The following PCDHGA7 variants were observed in gnomAD, a reference collection of about 807,000 sequenced individuals.
PCDHGA7 encodes protocadherin gamma-A7.
PCDHGA7 carries 44 observed loss-of-function variants against 58.3 expected under a neutral mutation model. The ratio of observed to expected loss-of-function variants is 0.75; its 90% CI spans 0.59 to 0.97. PCDHGA7 has a LOEUF of 0.97. PCDHGA7 is among the 50% of genes least tolerant of loss of function. The probability of loss-of-function intolerance (pLI) is 0.00; values close to 1 mark genes in which losing one functional copy is unlikely to be tolerated. For missense variants in PCDHGA7, 1,266 were observed against 1,188.7 expected, an observed-to-expected ratio of 1.06 and a Z score of -0.96; for synonymous variants, 516 against 504.2, an observed-to-expected ratio of 1.02 and a Z score of -0.31.
In PCDHGA7 at chr5:141,410,139, T is replaced by C. The variant is rs73279096; in HGVS notation, c.2424+24816T>C. ...GCCCGCCAGCGCCTGCTGGTCGCTG[T>C]GCGTGACGGTGGACAGCCGCCACTC... On this transcript the variant is annotated intron_variant, in intron 1 of 3. Coordinates refer to ENST00000518325, the MANE Select transcript of PCDHGA7 (RefSeq NM_018920.4). The C allele has an allele frequency of 1.6e-4, 252 of 1,612,722 alleles. No individual in the cohort carries two copies. In the African/African-American group the frequency reaches 3.0e-3, roughly 19 times the overall value.
intron 1 of PCDHGA7, chr5:141,421,588 G>A: frequency 1.2e-6 from 2 of 1,613,910 alleles, no homozygotes; most frequent in Non-Finnish European, 8.5e-7. Context: ...TTACGGAGTG[G>A]AGGTGGAAAT....
In PCDHGA7 at chr5:141,384,331, G is replaced by T. The variant is rs376216978; in HGVS notation, c.1432G>T (p.Asp478Tyr). Reference sequence around the variant, plus strand: ...CTCCATTTTCTTAGTGACTGCACAGGACCACGACAGTGAGGATAATGCCCA... The same window carrying T: ...CTCCATTTTCTTAGTGACTGCACAGTACCACGACAGTGAGGATAATGCCCA... Reference protein sequence around the residue: ...GASIFLVTAQDHDSEDNAQIT... With the variant: ...GASIFLVTAQYHDSEDNAQIT... Residue 478 changes from aspartate (D) to tyrosine (Y), a missense_variant, in exon 1 of 4, where the codon GAC (aspartate) becomes TAC (tyrosine). By Grantham distance (160) the Asp-to-Tyr change is radical. Transcript: ENST00000518325. 21 of 1,613,846 alleles carry T rather than the reference G, an allele frequency of 1.3e-5. No individual in the cohort carries two copies. Among genetic ancestry groups the T allele is most frequent in the African/African-American group, 2.7e-5 (2 of 75,042 alleles).
At chr5:141,502,708 A>G (rs1172090234) in intron 2 of PCDHGA7, among the ~76,000 whole-genome samples, 1 of 152,204 alleles carries the variant, frequency 6.6e-6, no homozygotes, top group Non-Finnish European at 1.5e-5. Flanking sequence ...CTGTTTTTAC[A>G]TCAGTGATTA....
chr5:141,388,522 C>G, intron 1 of PCDHGA7: 1 of 1,613,868 alleles, frequency 6.2e-7, no homozygotes, highest in East Asian at 2.2e-5. Flanking sequence ...TTGACTTTGA[C>G]TGCCTTGGAC....
chr5:141,453,333 A>T (rs181261279), intron 1 of PCDHGA7, among the ~76,000 whole-genome samples: 3 of 151,914 alleles, frequency 2.0e-5, no homozygotes, highest in Admixed American at 1.3e-4. Context: ...GGGTCTCACT[A>T]TGTTTCCCCA....
intron 1 of PCDHGA7, chr5:141,478,437 A>G (rs2099455876): frequency 6.2e-7 from 1 of 1,613,758 alleles, no homozygotes; most frequent in African/African-American, 1.3e-5. Flanking sequence ...CCGCTGCTGA[A>G]GAAACCTGGT....
chr5:141,404,725 G>T, intron 1 of PCDHGA7: 1 of 1,614,098 alleles, frequency 6.2e-7, no homozygotes. Flanking sequence ...TGACCAAGGT[G>T]GTGGCAGTGG....
intron 1 of PCDHGA7, chr5:141,478,104 CTG>C: frequency 6.2e-7 from 1 of 1,614,118 alleles, no homozygotes; most frequent in Middle Eastern, 1.6e-4. Context: ...GCTACCCTCA[CTG>C]TGTCAGTAAC....
At chr5:141,387,768 T>G (rs892776132) in intron 1 of PCDHGA7, 1 of 1,435,344 alleles carries the variant, frequency 7.0e-7, no homozygotes, top group African/African-American at 1.4e-5. Context: ...AGAAGAATTT[T>G]TTCTTGAACT....
intron 1 of PCDHGA7, chr5:141,399,738 G>T: frequency 1.2e-6 from 2 of 1,613,268 alleles, no homozygotes; most frequent in South Asian, 2.2e-5. Flanking sequence ...GCTCGCCTGC[G>T]CTCAGCGCAA....
intron 1 of PCDHGA7, among the ~76,000 whole-genome samples, chr5:141,455,803 A>G (rs1197986124): frequency 6.6e-6 from 1 of 152,068 alleles, no homozygotes; most frequent in Non-Finnish European, 1.5e-5. Context: ...TGCTTTAAAA[A>G]ATGAAAACTT....
intron 1 of PCDHGA7, chr5:141,433,024 C>A: frequency 6.2e-7 from 1 of 1,614,168 alleles, no homozygotes; most frequent in African/African-American, 1.3e-5. Flanking sequence ...CCTATTCCCA[C>A]GAGGTTTCCC....
intron 1 of PCDHGA7, chr5:141,392,836 C>T: frequency 6.2e-7 from 1 of 1,608,040 alleles, no homozygotes; most frequent in Non-Finnish European, 8.5e-7. Context: ...CAGAGTCGCC[C>T]CAGACGCGGC....
intron 1 of PCDHGA7, chr5:141,420,380 C>T (rs1343046478): frequency 7.7e-7 from 1 of 1,306,574 alleles, no homozygotes; most frequent in Non-Finnish European, 1.0e-6. Flanking sequence ...TCATAGAGTT[C>T]GCAAAATATA....
chr5:141,490,956 A>T lies in PCDHGA7; in HGVS notation c.2425-3851A>T. 1.2e-6 allele frequency: 2 copies of T among 1,613,828 alleles called. No homozygotes were observed. The highest frequency in any genetic ancestry group is 1.7e-6 in the Non-Finnish European group (2 of 1,179,852). ...TGCTGCACCCACGGCCAGACTGGGA[A>T]CACTCAGCCCCCCAGCGTCTCCCTC... On this transcript the variant is annotated intron_variant, in intron 1 of 3. Transcript: ENST00000518325. The surrounding 1 kb of genome is among the most constrained non-coding windows in gnomAD (Gnocchi z 5.4).
chr5:141,410,341 G>A (rs759674499), intron 1 of PCDHGA7: 1 of 1,613,992 alleles, frequency 6.2e-7, no homozygotes, highest in Non-Finnish European at 8.5e-7. Context: ...CCATTGCCTT[G>A]CGCCTGCGAC....
At chr5:141,498,991 AG>A (rs1449718352) in intron 2 of PCDHGA7, among the ~76,000 whole-genome samples, 8 of 144,362 alleles carry the variant, frequency 5.5e-5, no homozygotes, top group Non-Finnish European at 1.0e-4. Context: ...GAAGGAAGGA[AG>A]GAAGGAAGGA....
At chr5:141,433,266 T>C in intron 1 of PCDHGA7, 1 of 1,315,306 alleles carries the variant, frequency 7.6e-7, no homozygotes, top group Non-Finnish European at 1.1e-6. Flanking sequence ...CGATCATAGC[T>C]CACTGCAGCC....
chr5:141,413,140 A>T (rs2095607783), intron 1 of PCDHGA7: 1 of 1,563,150 alleles, frequency 6.4e-7, no homozygotes, highest in Non-Finnish European at 8.7e-7. Flanking sequence ...CAACGTGTCC[A>T]GTGAGGACTT....
Sources: allele counts gnomAD v4.1 joint callset (sites outside exome capture counted in the v4.1 genomes callset), GRCh38; gene constraint gnomAD v4.1.1; non-coding constraint Gnocchi (gnomAD v3.1); transcripts MANE v1.5; gene names NCBI Gene and HGNC (gene_info 2026-07-23, HGNC 2026-07-21).